ZNF469: variants seen among roughly 807,000 people sequenced by gnomAD.
ZNF469 encodes the protein zinc finger protein 469.
ZNF469 carries 1 observed loss-of-function variant against 1.0 expected under a neutral mutation model. The observed-to-expected ratio is 1.00, with a 90% confidence interval of 0.35 to 4.73. The LOEUF is 4.73. Among genes scored for constraint, ZNF469 ranks in the 30% most tolerant of loss-of-function variants. The pLI is 0.16. For missense variants in ZNF469, 6,100 were observed against 5,356.3 expected (o/e 1.14, Z -4.33); for synonymous variants, 2,703 against 2,363.4 (o/e 1.14, Z -4.17).
the ZNF469 span, among the ~76,000 whole-genome samples, chr16:88,102,155 C>T: frequency 0.059 from 8,678 of 147,896 alleles, 766 homozygotes; most frequent in African/African-American, 0.2. Flanking sequence ...GGTGATTTAT[C>T]ACACCTTCCA....
chr16:88,208,793 ACACACACACACTCTCTCT>A, the ZNF469 span, among the ~76,000 whole-genome samples: 925 of 38,816 alleles, frequency 0.024, 13 homozygotes, highest in African/African-American at 0.047. Context: ...ACACACACAC[ACACACACACACTCTCTCT>A]CTCTCTCTCT....
At chr16:88,228,257 C>T in the ZNF469 span, among the ~76,000 whole-genome samples, 10 of 152,368 alleles carry the variant, frequency 6.6e-5, no homozygotes, top group East Asian at 3.9e-4. Flanking sequence ...TGCTGCCTGC[C>T]GGCTTCGCAG....
the ZNF469 span, among the ~76,000 whole-genome samples, chr16:88,123,137 C>T: frequency 6.6e-6 from 1 of 152,180 alleles, no homozygotes; most frequent in East Asian, 1.9e-4. Context: ...TAGCCAGCAC[C>T]ATCCCGAGAC....
At chr16:88,285,312 T>A in the ZNF469 span, among the ~76,000 whole-genome samples, 1 of 152,086 alleles carries the variant, frequency 6.6e-6, no homozygotes, top group Non-Finnish European at 1.5e-5. Flanking sequence ...CAGGAGAGAG[T>A]TCTGAGCAGG....
chr16:88,366,889 C>T, the ZNF469 span, among the ~76,000 whole-genome samples: 1 of 152,100 alleles, frequency 6.6e-6, no homozygotes. Flanking sequence ...CCATCATCAC[C>T]GTCATCATCA....
At chr16:88,401,586 AATAG>A (rs1904862820) in intron 1 of ZNF469, among the ~76,000 whole-genome samples, 1 of 127,306 alleles carries the variant, frequency 7.9e-6, no homozygotes, top group Non-Finnish European at 1.7e-5. Flanking sequence ...TGGGTGGATG[AATAG>A]GTAGATGGAT....
At chr16:88,299,213 T>C in the ZNF469 span, among the ~76,000 whole-genome samples, 3 of 46,624 alleles carry the variant, frequency 6.4e-5, no homozygotes, top group Admixed American at 2.3e-4. Flanking sequence ...CAGCTTGGGG[T>C]GGGGAGGGCT....
At chr16:88,340,823 A>G in the ZNF469 span, among the ~76,000 whole-genome samples, 3 of 152,138 alleles carry the variant, frequency 2.0e-5, no homozygotes, top group Admixed American at 1.3e-4. Context: ...GTTTACAGGC[A>G]GAGGTGTCAG....
the ZNF469 span, among the ~76,000 whole-genome samples, chr16:88,200,535 C>A: frequency 2.0e-5 from 3 of 152,234 alleles, no homozygotes; most frequent in Non-Finnish European, 2.9e-5. Flanking sequence ...CCCCGGAGGC[C>A]GGTCTGCAAC....
the ZNF469 span, among the ~76,000 whole-genome samples, chr16:88,256,912 T>TCTCTCTCTCTCTCTCTC: frequency 4.1e-5 from 1 of 24,186 alleles, no homozygotes; most frequent in Admixed American, 4.8e-4. Flanking sequence ...CTTTCTTTCT[T>TCTCTCTCTCTCTCTCTC]TCTTTCTTTC....
At chr16:88,327,763 GGT>G in the ZNF469 span, among the ~76,000 whole-genome samples, 213 of 152,328 alleles carry the variant, frequency 1.4e-3, 1 homozygote, top group African/African-American at 5.0e-3. Context: ...CCGCACCACA[GGT>G]GTCATCCGGA....
chr16:88,176,213 G>A, the ZNF469 span, among the ~76,000 whole-genome samples: 1,516 of 149,956 alleles, frequency 0.01, 12 homozygotes, highest in African/African-American at 0.013. Flanking sequence ...CAGACTGCAC[G>A]GAGCTCACAA....
chr16:88,124,590 TG>T, the ZNF469 span, among the ~76,000 whole-genome samples: 24 of 48,794 alleles, frequency 4.9e-4, no homozygotes, highest in Non-Finnish European at 1.0e-3. Flanking sequence ...TGTTTGTTTT[TG>T]GTTTTTTTTT....
chr16:88,388,189 C>T (rs1231864938), intron 1 of ZNF469, among the ~76,000 whole-genome samples: 1 of 152,242 alleles, frequency 6.6e-6, no homozygotes, highest in Non-Finnish European at 1.5e-5. Context: ...CAGCCCCGGC[C>T]GAGGGAGCTG....
chr16:88,361,326 A>T, the ZNF469 span, among the ~76,000 whole-genome samples: 1 of 152,302 alleles, frequency 6.6e-6, no homozygotes, highest in Admixed American at 6.5e-5. Flanking sequence ...CCAGTTCCTA[A>T]TAGGCTTGGG....
At position 88,437,978 on chromosome 16, in the gene ZNF469, G is replaced by A; in HGVS notation, c.10508G>A (p.Gly3503Asp). The A allele has an allele frequency of 6.5e-7, 1 of 1,547,692 alleles. No homozygotes were observed. ...GGAAGCAGCCCCATCCTGAGTGAGG[G>A]CTCTCTCCCGGCCCTGCTCCACCTG... ...PRGSSPILSEGSLPALLHLCS... is the reference protein window; with the variant it reads ...PRGSSPILSEDSLPALLHLCS... Residue 3503 changes from glycine to aspartate, a missense_variant, in exon 3 of 3, where the codon GGC (glycine) becomes GAC (aspartate). Transcript: ENST00000565624.
chr16:88,380,924 A>ATGCACTCACACACAGTCATGCCCTCACC, upstream of ZNF469, among the ~76,000 whole-genome samples: 18 of 50,190 alleles, frequency 3.6e-4, 4 homozygotes, highest in African/African-American at 5.4e-3. Flanking sequence ...ATGCACTCAC[A>ATGCACTCACACACAGTCATGCCCTCACC]CAGACACGCA....
chr16:88,378,889 C>T (rs1182791226), upstream of ZNF469, among the ~76,000 whole-genome samples: 1 of 152,230 alleles, frequency 6.6e-6, no homozygotes, highest in Non-Finnish European at 1.5e-5. Flanking sequence ...GGTCCTCGCT[C>T]GGAGGTCTCC....
At chr16:88,280,312 T>C in the ZNF469 span, among the ~76,000 whole-genome samples, 7 of 152,022 alleles carry the variant, frequency 4.6e-5, no homozygotes, top group Non-Finnish European at 1.0e-4. Flanking sequence ...ATCGTGTAGA[T>C]ATCAGTGCAC....
Sources: allele counts gnomAD v4.1 joint callset (sites outside exome capture counted in the v4.1 genomes callset), GRCh38; gene constraint gnomAD v4.1.1; transcripts MANE v1.5; gene names NCBI Gene and HGNC (gene_info 2026-07-23, HGNC 2026-07-21).